WDR70: variants seen among roughly 807,000 people sequenced by gnomAD.
WDR70 encodes WD repeat-containing protein 70.
Under a neutral mutation model 88.6 loss-of-function variants are expected in WDR70, and 53 were observed. The ratio of observed to expected loss-of-function variants is 0.60; its 90% CI spans 0.48 to 0.75. The LOEUF (loss-of-function observed/expected upper bound fraction) is 0.75. WDR70 is among the 30% of genes least tolerant of loss of function. The probability of loss-of-function intolerance (pLI) is 0.00; values close to 1 mark genes in which losing one functional copy is unlikely to be tolerated. For missense variants in WDR70, 610 were observed against 823.2 expected, an observed-to-expected ratio of 0.74 and a Z score of 3.17; for synonymous variants, 280 against 270.0, an observed-to-expected ratio of 1.04 and a Z score of -0.36.
intron 5 of WDR70, among the ~76,000 whole-genome samples, chr5:37,405,108 G>A (rs75469407): frequency 0.096 from 14,527 of 152,050 alleles, 2,273 homozygotes; most frequent in African/African-American, 0.33. Context: ...AGAATAATTA[G>A]GAAGAATATA....
chr5:37,721,284 C>T, intron 14 of WDR70, 69 bp downstream of exon 14: 1 of 1,372,496 alleles, frequency 7.3e-7, no homozygotes, highest in South Asian at 1.2e-5. Flanking sequence ...CCTCCCACCC[C>T]CGCTTTTATT....
At chr5:37,422,865 C>T (rs988121565) in intron 5 of WDR70, among the ~76,000 whole-genome samples, 6 of 151,648 alleles carry the variant, frequency 4.0e-5, no homozygotes, top group Non-Finnish European at 7.4e-5. Context: ...GAGCTCAAAT[C>T]GATCTGCCCG....
intron 10 of WDR70, among the ~76,000 whole-genome samples, chr5:37,625,274 TACAA>T (rs1396323826): frequency 6.6e-6 from 1 of 152,208 alleles, no homozygotes; most frequent in African/African-American, 2.4e-5. Context: ...ATAATGGCTA[TACAA>T]ATTTACGTTC....
At chr5:37,431,329 A>G (rs78244178) in intron 5 of WDR70, among the ~76,000 whole-genome samples, 5,372 of 152,210 alleles carry the variant, frequency 0.035, 329 homozygotes, top group African/African-American at 0.12. Flanking sequence ...TAACAGAGCT[A>G]TCTTTATTTC....
At chr5:37,615,198 G>T (rs1328715940) in intron 10 of WDR70, among the ~76,000 whole-genome samples, 1 of 151,954 alleles carries the variant, frequency 6.6e-6, no homozygotes, top group Admixed American at 6.6e-5. Context: ...GTCAATTCAG[G>T]GTCTAGTATT....
chr5:37,564,409 C>T (rs957725583), intron 9 of WDR70, among the ~76,000 whole-genome samples: 3 of 152,056 alleles, frequency 2.0e-5, no homozygotes, highest in African/African-American at 7.2e-5. Flanking sequence ...CGCCTGCAAT[C>T]GCAGGCACTG....
Position 37,483,630 on chromosome 5 carries a change from A to G in WDR70, c.840+3643A>G, listed in dbSNP as rs556539790. ...GAGCTGTTGGGTACACCTCCCAGAC[A>G]GGGTGGTGGCCGGGCAGAGGGGCTC... On this transcript the variant is annotated intron_variant, in intron 8 of 17. Transcript: ENST00000265107. Among the ~76,000 whole-genome samples the G allele has an allele frequency of 8.6e-3, 1,312 of 152,148 alleles. 18 individuals carry two copies. The highest frequency in any genetic ancestry group is 0.03 in the African/African-American group (1,245 of 41,518).
chr5:37,700,388 T>A (rs1436115291), intron 11 of WDR70: 1 of 152,284 alleles, frequency 6.6e-6, no homozygotes, highest in Non-Finnish European at 1.5e-5. Context: ...GCTATGCTAA[T>A]CTTCTCTGTA....
chr5:37,384,909 T>C (rs1748557911), intron 3 of WDR70, among the ~76,000 whole-genome samples: 1 of 152,124 alleles, frequency 6.6e-6, no homozygotes. Flanking sequence ...CAAGACTGCC[T>C]TCACTCAGAC....
At chr5:37,732,733 A>G (rs1748184135) in intron 17 of WDR70, among the ~76,000 whole-genome samples, 1 of 152,082 alleles carries the variant, frequency 6.6e-6, no homozygotes, top group African/African-American at 2.4e-5. Context: ...TATTTATATT[A>G]AGGAGGTTAA....
intron 7 of WDR70, among the ~76,000 whole-genome samples, chr5:37,448,332 G>C (rs1051204768): frequency 5.3e-5 from 8 of 152,080 alleles, no homozygotes; most frequent in African/African-American, 1.4e-4. Context: ...CCAAGTCCTG[G>C]AATCAGTACT....
intron 6 of WDR70, among the ~76,000 whole-genome samples, chr5:37,441,515 C>T (rs900989536): frequency 6.6e-6 from 1 of 152,012 alleles, no homozygotes; most frequent in African/African-American, 2.4e-5. Context: ...ATAGAAACTT[C>T]CTTTATGTAA....
At chr5:37,586,643 G>A (rs1173326520) in intron 9 of WDR70, among the ~76,000 whole-genome samples, 1 of 147,568 alleles carries the variant, frequency 6.8e-6, no homozygotes, top group African/African-American at 2.5e-5. Context: ...TCCCGCTTAT[G>A]AGTGAGAACA....
At chr5:37,696,203 G>A (rs909105436) in intron 10 of WDR70, among the ~76,000 whole-genome samples, 14 of 152,070 alleles carry the variant, frequency 9.2e-5, no homozygotes, top group Admixed American at 2.0e-4. Context: ...TAAAAAAACC[G>A]TTGAATCAAT....
chr5:37,540,701 T>G (rs1215490666), intron 9 of WDR70, among the ~76,000 whole-genome samples: 1 of 152,204 alleles, frequency 6.6e-6, no homozygotes, highest in Non-Finnish European at 1.5e-5. Flanking sequence ...TTTTATAACA[T>G]CTAAAGTAGT....
At chr5:37,532,824 T>C (rs549098050) in intron 9 of WDR70, among the ~76,000 whole-genome samples, 2 of 152,166 alleles carry the variant, frequency 1.3e-5, no homozygotes, top group East Asian at 3.9e-4. Context: ...CTTTTGGGGG[T>C]GTTAAAGACC....
chr5:37,451,594 A>G (rs1738676866), intron 7 of WDR70, among the ~76,000 whole-genome samples: 1 of 147,226 alleles, frequency 6.8e-6, no homozygotes, highest in Non-Finnish European at 1.5e-5. Context: ...ACAAACTACC[A>G]CAATAGATAA....
chr5:37,657,163 A>G (rs982117134), intron 10 of WDR70, among the ~76,000 whole-genome samples: 2 of 152,068 alleles, frequency 1.3e-5, no homozygotes, highest in Admixed American at 6.5e-5. Flanking sequence ...GTGTGTTGTG[A>G]AGACTGTGGG....
At chr5:37,476,378 C>T (rs1739485353) in intron 7 of WDR70, among the ~76,000 whole-genome samples, 1 of 152,116 alleles carries the variant, frequency 6.6e-6, no homozygotes, top group Non-Finnish European at 1.5e-5. Context: ...TAGTTGTCCC[C>T]TTGTTATAGG....
Sources: gnomAD v4.1 joint callset for allele counts (sites outside exome capture counted in the v4.1 genomes callset) on GRCh38, gnomAD v4.1.1 for gene constraint, MANE v1.5 for transcripts, NCBI Gene and HGNC (gene_info 2026-07-23, HGNC 2026-07-21) for gene names.